TNFRSF21: variants seen among roughly 807,000 people sequenced by gnomAD.
TNFRSF21 encodes the protein TNF receptor superfamily member 21.
In TNFRSF21, 19 loss-of-function variants were observed where a neutral mutation model predicts 45.6. The ratio of observed to expected loss-of-function variants is 0.42; its 90% confidence interval spans 0.29 to 0.61. The LOEUF is 0.61. TNFRSF21 is among the 20% of genes least tolerant of loss of function. The pLI is 0.23. For synonymous variants in TNFRSF21, 314 were observed against 335.5 expected (o/e 0.94, Z 0.70); for missense variants, 737 against 851.5 (o/e 0.87, Z 1.67).
chr6:47,272,670 C>T (rs1762440331), intron 3 of TNFRSF21, among the ~76,000 whole-genome samples: 1 of 152,044 alleles, frequency 6.6e-6, no homozygotes, highest in African/African-American at 2.4e-5. Flanking sequence ...AAAATCAGAG[C>T]AGAACTGAAA....
At chr6:47,299,707 G>A (rs916280716) in intron 1 of TNFRSF21, among the ~76,000 whole-genome samples, 5 of 152,086 alleles carry the variant, frequency 3.3e-5, no homozygotes, top group African/African-American at 1.2e-4. Flanking sequence ...AGGAGCTATT[G>A]AAATTCAAAT....
rs148136049 is a variant in TNFRSF21, at chr6:47,253,308, C to T, written c.1457G>A (p.Arg486Gln). Reference protein sequence around the residue: ...AQLISALRQHRRNDVVEKIRG... With the variant: ...AQLISALRQHQRNDVVEKIRG... ...AATCTTCTCCACAACATCGTTTCTC[C>T]GGTGCTGGCGCAGGGCGCTAATTAG... is the stretch of plus-strand genomic sequence containing the variant. The change falls in exon 4 of 6, where the codon CGG (arginine) becomes CAG (glutamine). Residue 486 changes from arginine to glutamine, a missense_variant. Transcript: ENST00000296861. The T allele has an allele frequency of 1.9e-5, 31 of 1,613,620 alleles. No individual in the cohort carries two copies. Among genetic ancestry groups the T allele is most frequent in the South Asian group, 1.3e-4 (12 of 90,964 alleles).
chr6:47,253,470 T>C lies in TNFRSF21; in HGVS notation c.1295A>G (p.Asp432Gly). The C allele has an allele frequency of 6.2e-7, 1 of 1,613,850 alleles. No individual in the cohort carries two copies. Among genetic ancestry groups the C allele is most frequent in the Non-Finnish European group, 8.5e-7 (1 of 1,180,026 alleles). Residue 432 changes from aspartate to glycine, a missense_variant, in exon 4 of 6, where the codon GAT becomes GGT. Coordinates refer to ENST00000296861, the MANE Select transcript of TNFRSF21 (RefSeq NM_014452.5). Reference sequence around the variant, plus strand: ...GGCATTGCAAAGAAACTGATAGATATCTTTCCACTGGCTTCCCACTTGGGC... The same window carrying C: ...GGCATTGCAAAGAAACTGATAGATACCTTTCCACTGGCTTCCCACTTGGGC... ...VAAQVGSQWK[D>G]IYQFLCNASE...
chr6:47,295,467 T>C (rs958686015), intron 1 of TNFRSF21, among the ~76,000 whole-genome samples: 10 of 152,196 alleles, frequency 6.6e-5, no homozygotes, highest in Admixed American at 1.3e-4. Flanking sequence ...CAATGCTGCA[T>C]AAAACTAATA....
intron 4 of TNFRSF21, among the ~76,000 whole-genome samples, chr6:47,247,068 C>A (rs988743961): frequency 6.6e-6 from 1 of 152,166 alleles, no homozygotes; most frequent in East Asian, 1.9e-4. Context: ...TGGTGTTTGA[C>A]AAAAGGTTGT....
intron 3 of TNFRSF21, among the ~76,000 whole-genome samples, chr6:47,257,584 A>G (rs1332288032): frequency 1.3e-5 from 2 of 152,222 alleles, no homozygotes; most frequent in South Asian, 4.1e-4. Context: ...ACAATCAACT[A>G]CAGAGAAAAG....
chr6:47,284,056 C>T lies in TNFRSF21; in HGVS notation c.1125G>A (p.Arg375=), dbSNP rs1762610530. ...CCTGCCGGGGCCCCTTTTTCAGAGT[C>T]CTCGAGCTTTTCCGGATACTGCACA... The part of the protein sequence containing the change: ...IVVCSIRKSS[R]TLKKGPRQDP... The change falls in exon 3 of 6, where the codon AGG becomes AGA. Residue 375 remains arginine, a synonymous_variant. Coordinates refer to ENST00000296861, the MANE Select transcript of TNFRSF21 (RefSeq NM_014452.5). 2 of 1,614,092 alleles carry T rather than the reference C, an allele frequency of 1.2e-6. No individual in the cohort carries two copies. Among genetic ancestry groups the T allele is most frequent in the African/African-American group, 1.3e-5 (1 of 74,932 alleles).
At chr6:47,293,494 A>G (rs897240404) in intron 1 of TNFRSF21, among the ~76,000 whole-genome samples, 2 of 152,244 alleles carry the variant, frequency 1.3e-5, no homozygotes, top group East Asian at 3.8e-4. Flanking sequence ...AGCCCTTTAT[A>G]GAATACACTA....
rs532837426 is a variant in TNFRSF21, at chr6:47,266,268, T to C, written c.1244-12747A>G. Reference sequence around the variant, plus strand: ...GACAAATTCTCCCACATTTGACCAATCCTAAAAGAGGAATCACACTTGGGG... The same window carrying C: ...GACAAATTCTCCCACATTTGACCAACCCTAAAAGAGGAATCACACTTGGGG... On this transcript the variant is annotated intron_variant, in intron 3 of 5. Transcript: ENST00000296861. Among the ~76,000 whole-genome samples, 7 of 152,254 alleles carry C rather than the reference T, an allele frequency of 4.6e-5. No homozygotes were observed. In the South Asian group the frequency reaches 8.3e-4, roughly 18 times the overall value.
chr6:47,234,584 A>G lies in TNFRSF21; in HGVS notation c.1738+86T>C, dbSNP rs188384906. ...TCAGATGACTCAACTCTCAGCTACA[A>G]CTGGACTGTGGACGGGGAGGGACGA... On this transcript the variant is annotated intron_variant, in intron 5 of 5. Transcript: ENST00000296861. 14 of 1,096,420 alleles carry G rather than the reference A, an allele frequency of 1.3e-5. No homozygotes were observed. The Admixed American group carries it at 1.7e-4, about 13-fold the overall frequency. The allele number at this position is 1,096,420 out of a possible 1,614,324, so 67.9% of individuals were successfully genotyped here. A position where few individuals can be genotyped will look rare whatever the true frequency, so the allele number is the denominator to read the frequency against.
intron 3 of TNFRSF21, among the ~76,000 whole-genome samples, chr6:47,276,196 G>A (rs1762495260): frequency 6.6e-6 from 1 of 152,138 alleles, no homozygotes; most frequent in African/African-American, 2.4e-5. Flanking sequence ...ATGAGTTGTA[G>A]CAGGTACATG....
intron 4 of TNFRSF21, among the ~76,000 whole-genome samples, chr6:47,251,465 T>C (rs1394121803): frequency 1.3e-5 from 2 of 152,212 alleles, no homozygotes; most frequent in Non-Finnish European, 2.9e-5. Context: ...AGAAGCTGCT[T>C]TGTTCTCTCA....
chr6:47,232,572 A>AG lies in TNFRSF21; in HGVS notation c.*192_*193insC, dbSNP rs1460816106. The AG allele has an allele frequency of 2.9e-5, 16 of 557,320 alleles. No individual in the cohort carries two copies. The highest frequency in any genetic ancestry group is 1.0e-4 in the South Asian group (4 of 38,522). The allele number at this position is 557,320 out of a possible 1,614,324, so 34.5% of individuals were successfully genotyped here. A position where few individuals can be genotyped will look rare whatever the true frequency, so the allele number is the denominator to read the frequency against. ...TCCCAGAAGAGTTATTTAAAAAAAA[A>AG]AGAGAGAGAGAGAAGGAGAAAGAAC... On this transcript the variant is annotated 3_prime_UTR_variant, in exon 6 of 6. Transcript: ENST00000296861.
intron 1 of TNFRSF21, among the ~76,000 whole-genome samples, chr6:47,298,107 G>T (rs1582360856): frequency 6.6e-6 from 1 of 151,918 alleles, no homozygotes; most frequent in East Asian, 1.9e-4. Context: ...AGATAACTAG[G>T]GCAGAATTTA....
At chr6:47,294,281 C>T (rs1762766931) in intron 1 of TNFRSF21, among the ~76,000 whole-genome samples, 2 of 152,066 alleles carry the variant, frequency 1.3e-5, no homozygotes, top group South Asian at 2.1e-4. Flanking sequence ...GTAGCTGGGA[C>T]TACAGGGGCA....
chr6:47,260,306 C>T (rs151205094), intron 3 of TNFRSF21, among the ~76,000 whole-genome samples: 3 of 152,138 alleles, frequency 2.0e-5, no homozygotes, highest in South Asian at 2.1e-4. Flanking sequence ...CTGCTGCTAC[C>T]GCCTCTGCCA....
intron 5 of TNFRSF21, among the ~76,000 whole-genome samples, chr6:47,233,463 A>C (rs992255650): frequency 3.9e-5 from 6 of 152,172 alleles, no homozygotes; most frequent in African/African-American, 1.4e-4. Flanking sequence ...CAAAAATTCC[A>C]AGACAATGTA....
At chr6:47,252,730 G>C (rs1382614369) in intron 4 of TNFRSF21, among the ~76,000 whole-genome samples, 1 of 152,104 alleles carries the variant, frequency 6.6e-6, no homozygotes, top group Non-Finnish European at 1.5e-5. Flanking sequence ...GGTCCCCTCA[G>C]TTCCCATCTG....
intron 4 of TNFRSF21, among the ~76,000 whole-genome samples, chr6:47,241,639 C>T (rs1639172042): frequency 1.3e-5 from 2 of 151,992 alleles, no homozygotes; most frequent in African/African-American, 2.4e-5. Flanking sequence ...AGCAAATATG[C>T]CAAAATGTGA....
Sources: allele counts gnomAD v4.1 joint callset (sites outside exome capture counted in the v4.1 genomes callset), GRCh38; gene constraint gnomAD v4.1.1; transcripts MANE v1.5; gene names NCBI Gene and HGNC (gene_info 2026-07-23, HGNC 2026-07-21).